Variants in MAST2 observed in about 807,000 individuals in gnomAD.
The protein encoded by MAST2 is microtubule associated serine/threonine kinase 2.
MAST2 carries 70 observed loss-of-function variants against 147.4 expected under a neutral mutation model. The observed-to-expected ratio is 0.47, with a 90% CI of 0.39 to 0.58. The LOEUF is 0.58. Ranked by LOEUF, MAST2 falls within the 20% of genes least tolerant of loss-of-function variation. The pLI, the probability that MAST2 is intolerant of heterozygous loss-of-function variation, is 0.00. For synonymous variants in MAST2, 869 were observed against 896.8 expected, an observed-to-expected ratio of 0.97 and a Z score of 0.55; for missense variants, 2,080 against 2,302.3, an observed-to-expected ratio of 0.90 and a Z score of 1.98.
chr1:46,019,849 A>G, intron 11 of MAST2, 152 bp downstream of exon 11: 2 of 695,196 alleles, frequency 2.9e-6, no homozygotes, highest in Non-Finnish European at 4.9e-6. Flanking sequence ...GGGGGACTAA[A>G]CAGGTTTTTG....
intron 3 of MAST2, among the ~76,000 whole-genome samples, chr1:45,843,543 A>G (rs1645340219): frequency 6.6e-6 from 1 of 152,198 alleles, no homozygotes; most frequent in Non-Finnish European, 1.5e-5. Context: ...ACAGCAGTTT[A>G]GGGCTATAGA....
At chr1:45,888,596 T>C (rs933114370) in intron 4 of MAST2, among the ~76,000 whole-genome samples, 3 of 149,924 alleles carry the variant, frequency 2.0e-5, no homozygotes, top group African/African-American at 7.4e-5. Context: ...TCTGCTGAAC[T>C]TGTGATCCAC....
Position 46,033,991 on chromosome 1 carries a change from CGTGGTGG to C in MAST2, c.3674+57_3674+63del. On this transcript the variant is annotated intron_variant, in intron 27 of 28. Coordinates refer to ENST00000361297, the MANE Select transcript of MAST2 (RefSeq NM_015112.3). ...TCTCTGAGCCACATGAGTGCTGGTA[CGTGGTGG>C]GTGCCTTGGCCCTGGGGGTCCAGTG... 3 of 1,608,628 alleles carry C rather than the reference CGTGGTGG, an allele frequency of 1.9e-6. No individual in the cohort carries two copies. The South Asian group carries it at 3.3e-5, about 18-fold the overall frequency.
chr1:46,000,977 C>T, intron 6 of MAST2: 2 of 1,289,574 alleles, frequency 1.6e-6, no homozygotes, highest in Non-Finnish European at 2.0e-6. Flanking sequence ...ACAGAGCTGA[C>T]AGGTAATAGC....
chr1:45,917,021 T>A (rs1445364227), intron 4 of MAST2, among the ~76,000 whole-genome samples: 1 of 152,240 alleles, frequency 6.6e-6, no homozygotes, highest in Non-Finnish European at 1.5e-5. Flanking sequence ...GAGGTTGCAG[T>A]GAGCCAAGAT....
chr1:45,911,902 G>A (rs534625664), intron 4 of MAST2, among the ~76,000 whole-genome samples: 1 of 132,564 alleles, frequency 7.5e-6, no homozygotes, highest in Non-Finnish European at 1.6e-5. Context: ...TTATTATTAT[G>A]TAGCCTGGTC....
chr1:46,028,805 T>C lies in MAST2; in HGVS notation c.2090T>C (p.Ile697Thr). ...CCAGAATACATTGCGCCTGAGGTGA[T>C]CCTGCGCCAGGGCTATGGGAAGCCA... ...GTPEYIAPEV[I>T]LRQGYGKPVD... The change falls in exon 18 of 29, where the codon ATC becomes ACC. Residue 697 changes from isoleucine (I) to threonine (T), a missense_variant. Ile to Thr is a moderately conservative substitution (Grantham distance 89). Coordinates refer to ENST00000361297, the MANE Select transcript of MAST2 (RefSeq NM_015112.3). 1 of 1,614,150 alleles carries C rather than the reference T, an allele frequency of 6.2e-7. No individual in the cohort carries two copies. The highest frequency in any genetic ancestry group is 1.1e-5 in the South Asian group (1 of 91,074).
intron 3 of MAST2, among the ~76,000 whole-genome samples, chr1:45,863,867 T>C (rs773418269): frequency 2.5e-4 from 38 of 152,226 alleles, no homozygotes; most frequent in Non-Finnish European, 5.4e-4. Context: ...AAAAAATGAT[T>C]GAATTTAATG....
intron 5 of MAST2, among the ~76,000 whole-genome samples, chr1:45,966,328 G>T (rs1203783384): frequency 1.3e-5 from 2 of 151,818 alleles, no homozygotes; most frequent in Non-Finnish European, 2.9e-5. Flanking sequence ...AAACATCTGT[G>T]TATAGGTTTT....
At chr1:45,901,856 T>C (rs137948017) in intron 4 of MAST2, among the ~76,000 whole-genome samples, 218 of 152,310 alleles carry the variant, frequency 1.4e-3, no homozygotes, top group African/African-American at 4.6e-3. Flanking sequence ...TAAAATTGTT[T>C]ATTGGGTCTA....
rs766333185 is a variant in MAST2, at chr1:46,032,652, C to T, written c.3471C>T (p.Ile1157=). Residue 1157 remains isoleucine (I), a synonymous_variant, in exon 26 of 29, where the codon ATC becomes ATT. Transcript: ENST00000361297. ...CAGGGCTTCGTCAAGGTGACCTCAT[C>T]ACCCATGTCAATGGGGAACCTGTGC... ...SEAGLRQGDL[I]THVNGEPVHG... is the part of the protein sequence containing the mutation. The T allele has an allele frequency of 6.8e-6, 11 of 1,614,206 alleles. No homozygotes were observed. The highest frequency in any genetic ancestry group is 8.5e-6 in the Non-Finnish European group (10 of 1,180,030).
chr1:45,957,096 C>A (rs950136754), intron 4 of MAST2, among the ~76,000 whole-genome samples: 6 of 152,052 alleles, frequency 3.9e-5, no homozygotes, highest in African/African-American at 1.4e-4. Flanking sequence ...GTATAAATAT[C>A]CAGGGACAAA....
intron 3 of MAST2, among the ~76,000 whole-genome samples, chr1:45,840,209 C>T (rs1169761474): frequency 1.3e-5 from 2 of 152,068 alleles, no homozygotes; most frequent in Non-Finnish European, 2.9e-5. Flanking sequence ...ATGAGTAAAA[C>T]TTGTGTTAAA....
chr1:45,970,221 A>AGC (rs1643864957), intron 5 of MAST2, among the ~76,000 whole-genome samples: 1 of 152,154 alleles, frequency 6.6e-6, no homozygotes, highest in African/African-American at 2.4e-5. Context: ...TTTGGATAAA[A>AGC]CTTACAAAAA....
chr1:45,882,157 A>C (rs890272685), intron 3 of MAST2, among the ~76,000 whole-genome samples: 3 of 150,460 alleles, frequency 2.0e-5, no homozygotes, highest in Admixed American at 6.7e-5. Context: ...GCGCCACTGC[A>C]CTCCAGCCTG....
At position 45,824,542 on chromosome 1, in the gene MAST2, G is replaced by A. The variant is rs770280032; in HGVS notation, c.287G>A (p.Cys96Tyr). The A allele has an allele frequency of 6.2e-6, 10 of 1,608,846 alleles. No homozygotes were observed. The highest frequency in any genetic ancestry group is 1.1e-5 in the South Asian group (1 of 90,078). Residue 96 changes from cysteine to tyrosine, a missense_variant, in exon 2 of 29, where the codon TGT (cysteine) becomes TAT (tyrosine). Transcript: ENST00000361297. ...KLQRQLSQDD[C>Y]KLWRGNLASS... ...CAGCGACAACTGAGTCAGGATGATT[G>A]TAAGTTATGGAGAGGAAACCTGGCC...
intron 5 of MAST2, among the ~76,000 whole-genome samples, chr1:45,985,670 A>G (rs1054665016): frequency 6.6e-5 from 10 of 152,316 alleles, no homozygotes; most frequent in Admixed American, 6.5e-4. Flanking sequence ...TGGTATTTTT[A>G]TTGGGATTGT....
At chr1:45,838,293 C>T (rs1187781080) in intron 3 of MAST2, among the ~76,000 whole-genome samples, 1 of 143,692 alleles carries the variant, frequency 7.0e-6, no homozygotes, top group Non-Finnish European at 1.5e-5. Flanking sequence ...GATCTTGGCT[C>T]ACTGCAACCT....
chr1:45,919,823 CAT>C (rs964158490), intron 4 of MAST2, among the ~76,000 whole-genome samples: 21 of 149,790 alleles, frequency 1.4e-4, no homozygotes, highest in African/African-American at 3.2e-4. Flanking sequence ...GACTTACTAA[CAT>C]GTGTGGTCAC....
Sources: gnomAD v4.1 joint callset for allele counts (sites outside exome capture counted in the v4.1 genomes callset) on GRCh38, gnomAD v4.1.1 for gene constraint, MANE v1.5 for transcripts, NCBI Gene and HGNC (gene_info 2026-07-23, HGNC 2026-07-21) for gene names.